Variants in FBXW11 observed in about 807,000 individuals in gnomAD.
FBXW11 encodes F-box and WD repeat domain containing 11.
In FBXW11, 19 loss-of-function variants were observed where a neutral mutation model predicts 77.6. That is an observed-to-expected ratio of 0.24 (90% confidence interval 0.17 to 0.36). The LOEUF (loss-of-function observed/expected upper bound fraction) is 0.36, where lower values mean the gene tolerates loss of function less well. Among genes scored for constraint, FBXW11 ranks in the 10% least tolerant of loss-of-function variants. FBXW11 has a pLI of 1.00. For synonymous variants in FBXW11, 235 were observed against 249.4 expected (o/e 0.94, Z 0.54); for missense variants, 334 against 704.2 (o/e 0.47, Z 5.95).
rs574740557 is a variant in FBXW11 at position 171,928,059 on chromosome 5, A to G, written c.148-13654T>C. Reference sequence around the variant, plus strand: ...CTTCCAGGACTCTGATCTAATTCTCAAACCTTCACTACAAGAAACGTTAAA... The same window carrying G: ...CTTCCAGGACTCTGATCTAATTCTCGAACCTTCACTACAAGAAACGTTAAA... On this transcript the variant is annotated intron_variant, in intron 2 of 13. Transcript: ENST00000517395. Among the ~76,000 whole-genome samples, 3 of 152,340 alleles carry G rather than the reference A, an allele frequency of 2.0e-5. No homozygotes were observed. In the South Asian group the frequency reaches 6.2e-4, roughly 32 times the overall value.
chr5:171,972,316 A>AAAAT (rs35891894), intron 1 of FBXW11, among the ~76,000 whole-genome samples: 3,283 of 134,668 alleles, frequency 0.024, 77 homozygotes, highest in African/African-American at 0.06. Flanking sequence ...CGTCTCTACA[A>AAAAT]AAATAAATAA....
At chr5:171,969,184 T>A (rs1237220254) in intron 1 of FBXW11, among the ~76,000 whole-genome samples, 48 of 152,148 alleles carry the variant, frequency 3.2e-4, no homozygotes, top group Non-Finnish European at 1.5e-5. Flanking sequence ...AGAAGAATCA[T>A]GTGAACCCAG....
chr5:171,916,590 T>C (rs1761268339), intron 2 of FBXW11: 1 of 391,198 alleles, frequency 2.6e-6, no homozygotes, highest in Non-Finnish European at 3.5e-6. Flanking sequence ...CATGTAATCT[T>C]TTCATTGCTA....
At chr5:172,006,212 G>A (rs1335737507) in intron 1 of FBXW11, among the ~76,000 whole-genome samples, 4 of 152,236 alleles carry the variant, frequency 2.6e-5, no homozygotes, top group African/African-American at 9.6e-5. Flanking sequence ...AGCTGGGACC[G>A]GAGACGGGAC....
At chr5:171,973,276 A>G (rs1411877799) in intron 1 of FBXW11, among the ~76,000 whole-genome samples, 1 of 152,236 alleles carries the variant, frequency 6.6e-6, no homozygotes, top group Non-Finnish European at 1.5e-5. Context: ...ATACAGAACA[A>G]ATAAGCAACC....
intron 7 of FBXW11, among the ~76,000 whole-genome samples, chr5:171,886,831 T>G (rs1320973518): frequency 6.6e-6 from 1 of 151,944 alleles, no homozygotes; most frequent in Non-Finnish European, 1.5e-5. Flanking sequence ...CTGGCCAGCA[T>G]AGCGAAACCT....
At chr5:171,959,458 C>T (rs2113334192) in intron 1 of FBXW11, among the ~76,000 whole-genome samples, 1 of 152,052 alleles carries the variant, frequency 6.6e-6, no homozygotes, top group Non-Finnish European at 1.5e-5. Flanking sequence ...AACTGATGAT[C>T]AGGAAAGAGA....
intron 2 of FBXW11, among the ~76,000 whole-genome samples, chr5:171,950,860 CT>C (rs1763274209): frequency 6.6e-6 from 1 of 152,084 alleles, no homozygotes; most frequent in Non-Finnish European, 1.5e-5. Context: ...ACACTCTAGC[CT>C]GGGTAACAGA....
rs541500285 is a variant in FBXW11, at chr5:171,983,855, A to G, written c.45+22603T>C. 5.9e-5 allele frequency among the ~76,000 whole-genome samples: 9 copies of G among 152,298 alleles called. No individual in the cohort carries two copies. In the South Asian group the frequency reaches 1.9e-3, roughly 32 times the overall value. On this transcript the variant is annotated intron_variant, in intron 1 of 13. Transcript: ENST00000517395. Reference sequence around the variant, plus strand: ...CATGTCTACCTTAGAATTGCTGTCCACAGTAGCAGACAAAAATTAGAAGCA... The same window carrying G: ...CATGTCTACCTTAGAATTGCTGTCCGCAGTAGCAGACAAAAATTAGAAGCA...
intron 7 of FBXW11, among the ~76,000 whole-genome samples, chr5:171,887,294 C>A (rs530765658): frequency 6.6e-6 from 1 of 152,164 alleles, no homozygotes; most frequent in South Asian, 2.1e-4. Context: ...TATAGGAAAC[C>A]AACAGAACAG....
At chr5:171,968,743 A>C (rs1764363765) in intron 1 of FBXW11, among the ~76,000 whole-genome samples, 1 of 151,976 alleles carries the variant, frequency 6.6e-6, no homozygotes, top group Non-Finnish European at 1.5e-5. Flanking sequence ...CCCTGTCCCC[A>C]CCCTCAGTTA....
At chr5:171,960,099 G>C (rs548481621) in intron 1 of FBXW11, among the ~76,000 whole-genome samples, 1 of 152,358 alleles carries the variant, frequency 6.6e-6, no homozygotes, top group Non-Finnish European at 1.5e-5. Context: ...CACCTAGCCA[G>C]GTGAGGTGGC....
chr5:171,958,445 T>C (rs1763730477), intron 1 of FBXW11, among the ~76,000 whole-genome samples: 1 of 151,886 alleles, frequency 6.6e-6, no homozygotes, highest in Non-Finnish European at 1.5e-5. Context: ...ATAAAAGAGG[T>C]GATTTAAAAT....
intron 7 of FBXW11, among the ~76,000 whole-genome samples, chr5:171,885,245 AAGG>A (rs1758800674): frequency 1.3e-5 from 2 of 152,224 alleles, no homozygotes; most frequent in Non-Finnish European, 1.5e-5. Flanking sequence ...CTGGAAACAC[AAGG>A]AGATTTTTCT....
rs539605182 is a variant in FBXW11 at position 171,920,117 on chromosome 5, C to T, written c.148-5712G>A. The stretch of plus-strand genomic sequence containing the variant: ...GGCAGAGGTTGCAGTGAGCGAAGAT[C>T]GCACCACTGCACTCCAGTCTGGGCA... On this transcript the variant is annotated intron_variant, in intron 2 of 13. Transcript: ENST00000517395. Among the ~76,000 whole-genome samples the T allele has an allele frequency of 1.5e-3, 234 of 152,026 alleles. 2 individuals carry two copies. Among genetic ancestry groups the T allele is most frequent in the Non-Finnish European group, 2.4e-3 (160 of 67,964 alleles).
At chr5:171,892,725 A>G (rs1561655925) in intron 6 of FBXW11, among the ~76,000 whole-genome samples, 1 of 152,228 alleles carries the variant, frequency 6.6e-6, no homozygotes. Flanking sequence ...TTAAGGCTCA[A>G]AAGATACAAT....
At chr5:171,964,436 C>A (rs997982458) in intron 1 of FBXW11, among the ~76,000 whole-genome samples, 1 of 152,234 alleles carries the variant, frequency 6.6e-6, no homozygotes, top group Non-Finnish European at 1.5e-5. Context: ...GTACATAACT[C>A]CAGCTCTCTA....
At chr5:171,988,887 A>G (rs964471116) in intron 1 of FBXW11, among the ~76,000 whole-genome samples, 5 of 150,316 alleles carry the variant, frequency 3.3e-5, no homozygotes, top group African/African-American at 1.2e-4. Context: ...CATTCATACT[A>G]CAATTTTGGC....
chr5:171,997,094 C>G (rs1298040287), intron 1 of FBXW11: 2 of 1,286,370 alleles, frequency 1.6e-6, no homozygotes, highest in East Asian at 1.1e-4. Context: ...ACCATGGCAC[C>G]AGCGGCAAAG....
Sources: allele counts gnomAD v4.1 joint callset (sites outside exome capture counted in the v4.1 genomes callset), GRCh38; gene constraint gnomAD v4.1.1; transcripts MANE v1.5; gene names NCBI Gene and HGNC (gene_info 2026-07-23, HGNC 2026-07-21).